The following CPNE5 variants were observed in gnomAD, a reference collection of about 807,000 sequenced individuals.
The protein encoded by CPNE5 is copine-5.
In CPNE5, 42 loss-of-function variants were observed where a neutral mutation model predicts 81.1. The observed-to-expected ratio is 0.52, with a 90% CI of 0.40 to 0.67. The LOEUF is 0.67. Among genes scored for constraint, CPNE5 ranks in the 30% least tolerant of loss-of-function variants. The pLI, the probability that CPNE5 is intolerant of heterozygous loss-of-function variation, is 0.00. For synonymous variants in CPNE5, 313 were observed against 321.5 expected (o/e 0.97, Z 0.28); for missense variants, 612 against 815.5 (o/e 0.75, Z 3.04).
intron 11 of CPNE5, 87 bp from the exon 12 acceptor site, chr6:36,763,079 G>T: frequency 8.2e-7 from 1 of 1,217,246 alleles, no homozygotes; most frequent in Non-Finnish European, 1.2e-6. Context: ...CGTTTCTTTG[G>T]CTCCCAATTC....
Position 36,829,204 on chromosome 6 carries a change from C to T in CPNE5, c.96-6106G>A, listed in dbSNP as rs536902213. ...CAGGAGAGCCAAGGTCAGGTAGAAA[C>T]GGGAATCCTGGCTGGGCTTGGTGGC... On this transcript the variant is annotated intron_variant, in intron 1 of 20. Transcript: ENST00000244751. Among the ~76,000 whole-genome samples the T allele has an allele frequency of 1.5e-4, 23 of 152,174 alleles. No homozygotes were observed. The South Asian group carries it at 1.7e-3, about 11-fold the overall frequency.
intron 3 of CPNE5, among the ~76,000 whole-genome samples, chr6:36,806,430 C>T (rs955894679): frequency 2.0e-5 from 3 of 152,124 alleles, no homozygotes; most frequent in Non-Finnish European, 4.4e-5. Flanking sequence ...GGACCACAGA[C>T]CCCACCAGGC....
chr6:36,756,922 C>T lies in CPNE5; in HGVS notation c.856-624G>A, dbSNP rs566092482. Among the ~76,000 whole-genome samples the T allele has an allele frequency of 5.9e-5, 9 of 152,334 alleles. No individual in the cohort carries two copies. In the South Asian group the frequency reaches 1.5e-3, roughly 25 times the overall value. On this transcript the variant is annotated intron_variant, in intron 12 of 20. Transcript: ENST00000244751. The stretch of plus-strand genomic sequence containing the variant: ...GAAGGCTTGTTGGTGGCTAACTCAG[C>T]GGTCTCAACCAGGGGCGATTTTACC...
intron 10 of CPNE5, among the ~76,000 whole-genome samples, chr6:36,768,902 C>G (rs192659709): frequency 2.6e-5 from 4 of 152,228 alleles, no homozygotes; most frequent in African/African-American, 9.6e-5. Flanking sequence ...TGGCTTAACC[C>G]TCAGACACTC....
chr6:36,794,099 G>A (rs1305443930), intron 7 of CPNE5, among the ~76,000 whole-genome samples: 1 of 152,126 alleles, frequency 6.6e-6, no homozygotes, highest in Admixed American at 6.5e-5. Context: ...AACGTGAAAA[G>A]TGGGGATTCA....
At position 36,776,085 on chromosome 6, in the gene CPNE5, G is replaced by C. The variant is rs142790028; in HGVS notation, c.633-1020C>G. ...ACTTATCCCAGATGGGCCCGAATCT[G>C]GTGTCCCTGCCCATGCCCCACGCCA... On this transcript the variant is annotated intron_variant, in intron 9 of 20. Coordinates refer to ENST00000244751, the MANE Select transcript of CPNE5 (RefSeq NM_020939.2). Among the ~76,000 whole-genome samples, 230 of 152,254 alleles carry C rather than the reference G, an allele frequency of 1.5e-3. 3 individuals are homozygous for C. The highest frequency in any genetic ancestry group is 5.4e-3 in the African/African-American group (225 of 41,528).
intron 3 of CPNE5, among the ~76,000 whole-genome samples, chr6:36,803,016 C>T (rs1292473552): frequency 1.3e-5 from 2 of 152,186 alleles, no homozygotes; most frequent in African/African-American, 4.8e-5. Context: ...GATGACATCA[C>T]TGTACCCCAG....
chr6:36,807,441 C>G (rs953351634), intron 3 of CPNE5, among the ~76,000 whole-genome samples: 1 of 152,182 alleles, frequency 6.6e-6, no homozygotes, highest in Non-Finnish European at 1.5e-5. Flanking sequence ...AGAAGAGAGC[C>G]TGGGACATAA....
At chr6:36,750,132 G>C (rs1438213387) in intron 14 of CPNE5, among the ~76,000 whole-genome samples, 1 of 152,206 alleles carries the variant, frequency 6.6e-6, no homozygotes, top group Non-Finnish European at 1.5e-5. Flanking sequence ...CACGAGGCTG[G>C]GATAACGCTG....
chr6:36,744,819 A>G (rs1190748773), intron 18 of CPNE5, among the ~76,000 whole-genome samples: 2 of 152,144 alleles, frequency 1.3e-5, no homozygotes, highest in Non-Finnish European at 2.9e-5. Context: ...TGATCTGGGC[A>G]CCCCTTCCAC....
intron 15 of CPNE5, among the ~76,000 whole-genome samples, chr6:36,747,259 C>CA (rs371071843): frequency 6.0e-5 from 9 of 150,716 alleles, no homozygotes; most frequent in Admixed American, 2.0e-4. Context: ...ATTTCCCCCC[C>CA]CAGAGCCCTC....
At position 36,839,170 on chromosome 6, in the gene CPNE5, G is replaced by C. The variant is rs149432528; in HGVS notation, c.95+113C>G. The C allele has an allele frequency of 7.7e-4, 583 of 757,490 alleles. 3 individuals carry two copies. In the East Asian group the frequency reaches 0.016, roughly 20 times the overall value. The allele number at this position is 757,490 out of a possible 1,614,324, so 46.9% of individuals were successfully genotyped here. The stretch of plus-strand genomic sequence containing the variant: ...AGATCGGCAGGGGCGCAGTCCTGGA[G>C]ACCAGGACACTCTGGGAAGGGGGCG... On this transcript the variant is annotated intron_variant, in intron 1 of 20. Coordinates refer to ENST00000244751, the MANE Select transcript of CPNE5 (RefSeq NM_020939.2). This position sits in a 1 kb window ranked among gnomAD's most constrained non-coding sequence, Gnocchi z 7.3.
intron 3 of CPNE5, among the ~76,000 whole-genome samples, chr6:36,810,336 C>T (rs980078860): frequency 2.0e-5 from 3 of 152,298 alleles, no homozygotes; most frequent in South Asian, 4.1e-4. Flanking sequence ...CTTCCCCAGC[C>T]GTAGATCCCT....
At chr6:36,812,327 G>T (rs1279043132) in intron 3 of CPNE5, among the ~76,000 whole-genome samples, 1 of 152,196 alleles carries the variant, frequency 6.6e-6, no homozygotes, top group Non-Finnish European at 1.5e-5. Flanking sequence ...ACTGTACAGG[G>T]TAGAAGGCAT....
intron 3 of CPNE5, among the ~76,000 whole-genome samples, chr6:36,809,960 G>A (rs141506572): frequency 5.9e-4 from 90 of 151,708 alleles, no homozygotes; most frequent in African/African-American, 2.1e-3. Flanking sequence ...CCCCTCCAAT[G>A]ACCCCGTGAC....
At chr6:36,752,110 C>T (rs984016450) in intron 14 of CPNE5, among the ~76,000 whole-genome samples, 2 of 152,106 alleles carry the variant, frequency 1.3e-5, no homozygotes, top group East Asian at 3.9e-4. Context: ...GTGAGTGTGG[C>T]TTCCCAGGAC....
intron 12 of CPNE5, among the ~76,000 whole-genome samples, chr6:36,757,984 A>G (rs573763853): frequency 3.7e-4 from 56 of 152,272 alleles, no homozygotes; most frequent in Non-Finnish European, 7.5e-4. Flanking sequence ...GGGAACTCTG[A>G]TGACCCCCAA....
rs1054545655 is a variant in CPNE5, at chr6:36,788,023, C to T, written c.528+4010G>A. Among the ~76,000 whole-genome samples the T allele has an allele frequency of 2.0e-5, 3 of 151,246 alleles. No homozygotes were observed. The Admixed American group carries it at 2.0e-4, about 10-fold the overall frequency. On this transcript the variant is annotated intron_variant, in intron 8 of 20. Transcript: ENST00000244751. ...TCCAACCCTCTGTATTGACAACAAC[C>T]CCTACCTTTTCTTTTTTTTTTTTTT...
intron 3 of CPNE5, among the ~76,000 whole-genome samples, chr6:36,803,063 G>A (rs1770271464): frequency 6.6e-6 from 1 of 151,976 alleles, no homozygotes; most frequent in Admixed American, 6.6e-5. Flanking sequence ...TCACTGGAGA[G>A]GGAAGCTCCC....
Sources: gnomAD v4.1 joint callset for allele counts (sites outside exome capture counted in the v4.1 genomes callset) on GRCh38, gnomAD v4.1.1 for gene constraint, Gnocchi (gnomAD v3.1) non-coding constraint, MANE v1.5 for transcripts, NCBI Gene and HGNC (gene_info 2026-07-23, HGNC 2026-07-21) for gene names.